GPC5: variants seen among roughly 807,000 people sequenced by gnomAD.
GPC5 encodes glypican 5, also known as glypican-5.
Under a neutral mutation model 53.9 loss-of-function variants are expected in GPC5, and 47 were observed. The ratio of observed to expected loss-of-function variants is 0.87; its 90% CI spans 0.69 to 1.11. The LOEUF (loss-of-function observed/expected upper bound fraction) is 1.11. Ranked by LOEUF, GPC5 falls within the 50% of genes most tolerant of loss-of-function variation. GPC5 has a pLI of 0.00. For synonymous variants in GPC5, 286 were observed against 263.3 expected (o/e 1.09, Z -0.84); for missense variants, 748 against 713.1 (o/e 1.05, Z -0.56).
chr13:91,844,766 C>T (rs2038829348), intron 5 of GPC5, among the ~76,000 whole-genome samples: 1 of 152,030 alleles, frequency 6.6e-6, no homozygotes, highest in Non-Finnish European at 1.5e-5. Flanking sequence ...CACTCTGTCA[C>T]CCTGGCTGGA....
chr13:92,817,234 A>T (rs1877507430), intron 7 of GPC5, among the ~76,000 whole-genome samples: 1 of 152,096 alleles, frequency 6.6e-6, no homozygotes, highest in South Asian at 2.1e-4. Flanking sequence ...ACAATGAAGC[A>T]GAAAATATGA....
chr13:92,444,319 A>C (rs1319554851), intron 7 of GPC5, among the ~76,000 whole-genome samples: 1 of 152,174 alleles, frequency 6.6e-6, no homozygotes, highest in Non-Finnish European at 1.5e-5. Context: ...GTTTGATGTG[A>C]GAAGCAAGAA....
intron 7 of GPC5, among the ~76,000 whole-genome samples, chr13:92,497,568 G>A (rs1880022514): frequency 6.6e-6 from 1 of 152,068 alleles, no homozygotes; most frequent in Non-Finnish European, 1.5e-5. Flanking sequence ...TTTTGCTTAG[G>A]CTTGTGTTGG....
intron 7 of GPC5, among the ~76,000 whole-genome samples, chr13:92,148,606 A>T (rs576672844): frequency 6.6e-6 from 1 of 152,222 alleles, no homozygotes; most frequent in East Asian, 1.9e-4. Flanking sequence ...CATTTTTATT[A>T]TATGTATTTG....
At chr13:92,563,311 T>G (rs1882755475) in intron 7 of GPC5, among the ~76,000 whole-genome samples, 1 of 152,048 alleles carries the variant, frequency 6.6e-6, no homozygotes, top group Non-Finnish European at 1.5e-5. Flanking sequence ...TATTTTTGTG[T>G]TAATTGTTCT....
At chr13:92,321,457 G>T (rs906247589) in intron 7 of GPC5, among the ~76,000 whole-genome samples, 2 of 152,122 alleles carry the variant, frequency 1.3e-5, no homozygotes, top group African/African-American at 4.8e-5. Context: ...TGGGTGTGGT[G>T]GCACATGCCT....
chr13:92,539,158 A>G (rs1241025178), intron 7 of GPC5, among the ~76,000 whole-genome samples: 1 of 150,704 alleles, frequency 6.6e-6, no homozygotes, highest in Non-Finnish European at 1.5e-5. Flanking sequence ...ATATAGTAGA[A>G]TGATTTATAA....
At chr13:92,705,071 T>C (rs1208361926) in intron 7 of GPC5, among the ~76,000 whole-genome samples, 1 of 151,884 alleles carries the variant, frequency 6.6e-6, no homozygotes, top group African/African-American at 2.4e-5. Flanking sequence ...TGGCAAAAAG[T>C]TTAGTGATTG....
At chr13:92,528,580 A>T (rs1881443760) in intron 7 of GPC5, among the ~76,000 whole-genome samples, 2 of 152,034 alleles carry the variant, frequency 1.3e-5, no homozygotes, top group African/African-American at 4.8e-5. Context: ...GATTTATATA[A>T]ATAGTATATT....
At chr13:91,430,666 T>A (rs1403483248) in intron 1 of GPC5, among the ~76,000 whole-genome samples, 1 of 152,182 alleles carries the variant, frequency 6.6e-6, no homozygotes, top group Non-Finnish European at 1.5e-5. Context: ...TGTTTAAGCA[T>A]CTATGTCAAG....
intron 6 of GPC5, among the ~76,000 whole-genome samples, chr13:91,945,835 C>A (rs1266683288): frequency 6.9e-6 from 1 of 145,974 alleles, no homozygotes; most frequent in Admixed American, 6.6e-5. Context: ...TCAAGTGATA[C>A]AACCTGATAC....
At chr13:92,321,640 C>T (rs2043216729) in intron 7 of GPC5, among the ~76,000 whole-genome samples, 1 of 130,928 alleles carries the variant, frequency 7.6e-6, no homozygotes, top group East Asian at 2.3e-4. Context: ...TACATACATA[C>T]ATACATACAA....
chr13:91,975,738 A>T (rs1047683674), intron 6 of GPC5, among the ~76,000 whole-genome samples: 2 of 152,140 alleles, frequency 1.3e-5, no homozygotes, highest in African/African-American at 4.8e-5. Flanking sequence ...CTAGAACTAG[A>T]AATACCATTT....
chr13:92,568,541 G>A (rs951192156), intron 7 of GPC5, among the ~76,000 whole-genome samples: 2 of 151,976 alleles, frequency 1.3e-5, no homozygotes, highest in African/African-American at 2.4e-5. Flanking sequence ...TCTCATTTAG[G>A]TTTCTAAGTT....
At chr13:92,717,808 A>G (rs1035319789) in intron 7 of GPC5, among the ~76,000 whole-genome samples, 2 of 152,208 alleles carry the variant, frequency 1.3e-5, no homozygotes, top group Non-Finnish European at 2.9e-5. Flanking sequence ...ATTTATTGAA[A>G]TAATGTTGTC....
intron 7 of GPC5, among the ~76,000 whole-genome samples, chr13:92,774,527 C>T (rs1166135884): frequency 2.0e-5 from 3 of 152,122 alleles, no homozygotes; most frequent in Admixed American, 2.0e-4. Context: ...CTATGAACTC[C>T]TCTCCAATCA....
In GPC5 at chr13:91,454,077, T is replaced by C. The variant is rs1881373052; in HGVS notation, c.325+5155T>C. Among the ~76,000 whole-genome samples the C allele has an allele frequency of 2.0e-5, 3 of 152,226 alleles. No homozygotes were observed. In the East Asian group the frequency reaches 5.8e-4, roughly 29 times the overall value. ...TTTAGGCAGTGCATGGTTTAGTGTG[T>C]TATCTAATACAGCAGCTATCAGTGC... On this transcript the variant is annotated intron_variant, in intron 2 of 7. Coordinates refer to ENST00000377067, the MANE Select transcript of GPC5 (RefSeq NM_004466.6).
rs1879346930 is a variant in GPC5, at chr13:92,866,656, T to C, written c.*217T>C. On this transcript the variant is annotated 3_prime_UTR_variant, in exon 8 of 8. Transcript: ENST00000377067. ...AAAATATGTCTTTTTTCAATCTAACTGAAAACCTTCTTAACTTCTAATATA... is the reference window on the plus strand; with the variant it reads ...AAAATATGTCTTTTTTCAATCTAACCGAAAACCTTCTTAACTTCTAATATA... 2 of 347,280 alleles carry C rather than the reference T, an allele frequency of 5.8e-6. No individual in the cohort carries two copies. The highest frequency in any genetic ancestry group is 1.0e-5 in the Non-Finnish European group (2 of 193,908). The allele number at this position is 347,280 out of a possible 1,614,324, so 21.5% of individuals were successfully genotyped here. A position where few individuals can be genotyped will look rare whatever the true frequency, so the allele number is the denominator to read the frequency against.
At chr13:92,191,958 A>G (rs1396196048) in intron 7 of GPC5, among the ~76,000 whole-genome samples, 1 of 152,202 alleles carries the variant, frequency 6.6e-6, no homozygotes, top group African/African-American at 2.4e-5. Flanking sequence ...TTGCTCCTGC[A>G]CCACAGTAAA....
Sources: gnomAD v4.1 joint callset for allele counts (sites outside exome capture counted in the v4.1 genomes callset) on GRCh38, gnomAD v4.1.1 for gene constraint, MANE v1.5 for transcripts, NCBI Gene and HGNC (gene_info 2026-07-23, HGNC 2026-07-21) for gene names.